GOLIM4: variants seen among roughly 807,000 people sequenced by gnomAD.
The protein encoded by GOLIM4 is golgi integral membrane protein 4, also known as 130 kDa golgi-localized phosphoprotein.
GOLIM4 carries 71 observed loss-of-function variants against 107.4 expected under a neutral mutation model. The ratio of observed to expected loss-of-function variants is 0.66; its 90% CI spans 0.55 to 0.81. The LOEUF is 0.81. Among genes scored for constraint, GOLIM4 ranks in the 30% least tolerant of loss-of-function variants. The pLI, the probability that GOLIM4 is intolerant of heterozygous loss-of-function variation, is 0.00. For synonymous variants in GOLIM4, 327 were observed against 294.8 expected (o/e 1.11, Z -1.12); for missense variants, 830 against 826.1 (o/e 1.00, Z -0.06).
chr3:168,035,083 T>C (rs1718573359), intron 8 of GOLIM4, among the ~76,000 whole-genome samples: 1 of 140,444 alleles, frequency 7.1e-6, no homozygotes, highest in African/African-American at 2.6e-5. Flanking sequence ...ATTAGAGAAA[T>C]GCAAATCAAA....
At chr3:168,087,108 C>T (rs1047156346) in intron 1 of GOLIM4, among the ~76,000 whole-genome samples, 1 of 152,162 alleles carries the variant, frequency 6.6e-6, no homozygotes, top group African/African-American at 2.4e-5. Context: ...TCTTACTACA[C>T]TCATGCAAAA....
chr3:168,031,178 C>T (rs1718316633), intron 9 of GOLIM4, among the ~76,000 whole-genome samples: 1 of 152,034 alleles, frequency 6.6e-6, no homozygotes, highest in South Asian at 2.1e-4. Flanking sequence ...TTGGTGGTTA[C>T]TAGAAGCTGG....
intron 1 of GOLIM4, among the ~76,000 whole-genome samples, chr3:168,061,524 T>C (rs1233635498): frequency 6.6e-6 from 1 of 152,206 alleles, no homozygotes; most frequent in Non-Finnish European, 1.5e-5. Context: ...AGAGTTTTAA[T>C]TGCAGCATTA....
chr3:168,025,301 G>C (rs1233166052), intron 12 of GOLIM4, among the ~76,000 whole-genome samples: 1 of 152,186 alleles, frequency 6.6e-6, no homozygotes, highest in Non-Finnish European at 1.5e-5. Context: ...TGATGAATCA[G>C]AATGAGGTTC....
At chr3:168,046,806 C>CAAAAA (rs10663226) in intron 3 of GOLIM4, 144 bp downstream of exon 3, 5 of 371,646 alleles carry the variant, frequency 1.3e-5, no homozygotes, top group Non-Finnish European at 1.9e-5. Context: ...TTTTGGCAGC[C>CAAAAA]AAAAAAAAAA....
intron 1 of GOLIM4, among the ~76,000 whole-genome samples, chr3:168,052,279 C>T (rs1401944252): frequency 6.6e-6 from 1 of 152,126 alleles, no homozygotes; most frequent in Non-Finnish European, 1.5e-5. Context: ...CAGGCGATCT[C>T]CCCTGAGCCC....
chr3:168,043,505 G>A lies in GOLIM4; in HGVS notation c.391C>T (p.Gln131Ter). ...TGTTCCTCTTCCAAGTCACTGTGCTGTTTCTTTAGCTCCTCGTGTTGGCTC... is the reference window on the plus strand; with the variant it reads ...TGTTCCTCTTCCAAGTCACTGTGCTATTTCTTTAGCTCCTCGTGTTGGCTC... ...LKSQHEELKK[Q>*]HSDLEEEHRK... is the part of the protein sequence containing the mutation. The change falls in exon 5 of 16, where the codon CAG becomes TAG. Residue 131 changes from glutamine to a stop codon, truncating the protein, a stop_gained. Coordinates refer to ENST00000470487, the MANE Select transcript of GOLIM4 (RefSeq NM_014498.5). LOFTEE classifies it high-confidence loss of function. 1 of 1,612,012 alleles carries A rather than the reference G, an allele frequency of 6.2e-7. No homozygotes were observed. The highest frequency in any genetic ancestry group is 8.5e-7 in the Non-Finnish European group (1 of 1,179,334).
At chr3:168,090,478 T>C (rs1445030823) in intron 1 of GOLIM4, among the ~76,000 whole-genome samples, 2 of 152,202 alleles carry the variant, frequency 1.3e-5, no homozygotes, top group African/African-American at 4.8e-5. Context: ...GATACCATCT[T>C]ACACTAGTCA....
intron 1 of GOLIM4, among the ~76,000 whole-genome samples, chr3:168,092,947 C>T (rs576709995): frequency 9.9e-5 from 15 of 152,154 alleles, no homozygotes; most frequent in Non-Finnish European, 2.1e-4. Context: ...GAGGAAATGA[C>T]AAAAGAATAA....
At chr3:168,013,513 T>C (rs1185732618) in intron 14 of GOLIM4, among the ~76,000 whole-genome samples, 1 of 141,430 alleles carries the variant, frequency 7.1e-6, no homozygotes. Flanking sequence ...TACCCAGGAA[T>C]TGAACTCAGC....
intron 14 of GOLIM4, among the ~76,000 whole-genome samples, chr3:168,020,140 A>C (rs756701250): frequency 2.6e-5 from 4 of 152,158 alleles, no homozygotes; most frequent in Non-Finnish European, 4.4e-5. Flanking sequence ...CAACCTTCCA[A>C]TTTTTAACTA....
At chr3:168,079,158 C>T (rs1721215655) in intron 1 of GOLIM4, among the ~76,000 whole-genome samples, 1 of 152,130 alleles carries the variant, frequency 6.6e-6, no homozygotes, top group African/African-American at 2.4e-5. Context: ...CTAGAGCATT[C>T]ATAGTGGCAG....
At chr3:168,055,274 T>C (rs1324073853) in intron 1 of GOLIM4, among the ~76,000 whole-genome samples, 1 of 152,192 alleles carries the variant, frequency 6.6e-6, no homozygotes, top group African/African-American at 2.4e-5. Flanking sequence ...ACTTGCTGAA[T>C]GGCTTTAAGC....
intron 7 of GOLIM4, among the ~76,000 whole-genome samples, 169 bp from the exon 8 acceptor site, chr3:168,037,163 A>C (rs926979036): frequency 6.8e-6 from 1 of 146,194 alleles, no homozygotes; most frequent in Non-Finnish European, 1.5e-5. Context: ...ATGCTTAATC[A>C]TTTTTGAGCG....
At chr3:168,079,102 T>C (rs1721213261) in intron 1 of GOLIM4, among the ~76,000 whole-genome samples, 1 of 152,156 alleles carries the variant, frequency 6.6e-6, no homozygotes, top group Non-Finnish European at 1.5e-5. Flanking sequence ...TAGTCATCAA[T>C]CATATCAAAA....
intron 4 of GOLIM4, 148 bp downstream of exon 4, chr3:168,044,680 T>G: frequency 1.7e-6 from 1 of 590,140 alleles, no homozygotes; most frequent in Non-Finnish European, 3.0e-6. Context: ...CTATATATAA[T>G]TTTTAGCCAA....
At chr3:168,072,807 A>G (rs1430335708) in intron 1 of GOLIM4, among the ~76,000 whole-genome samples, 1 of 152,142 alleles carries the variant, frequency 6.6e-6, no homozygotes, top group Admixed American at 6.6e-5. Context: ...AAATAATACT[A>G]TAAAAAACAA....
At chr3:168,023,451 A>G (rs9867390) in intron 14 of GOLIM4, among the ~76,000 whole-genome samples, 4,490 of 152,326 alleles carry the variant, frequency 0.029, 207 homozygotes, top group African/African-American at 0.1. Context: ...TATAAGCACA[A>G]ATTTTATCAT....
rs1577537262 is a variant in GOLIM4 at position 168,047,081 on chromosome 3, C to T, written c.263-82G>A. On this transcript the variant is annotated intron_variant, in intron 2 of 15. Coordinates refer to ENST00000470487, the MANE Select transcript of GOLIM4 (RefSeq NM_014498.5). ...TCTAAAGAAATAAAGGCAAACTTCACTCATGCTTACAAAAGTGTTTTAGGT... is the reference window on the plus strand; with the variant it reads ...TCTAAAGAAATAAAGGCAAACTTCATTCATGCTTACAAAAGTGTTTTAGGT... 7.6e-6 allele frequency: 5 copies of T among 660,052 alleles called. No homozygotes were observed. In the East Asian group the frequency reaches 1.5e-4, roughly 20 times the overall value. The allele number at this position is 660,052 out of a possible 1,614,324, so 40.9% of individuals were successfully genotyped here.
Sources: gnomAD v4.1 joint callset for allele counts (sites outside exome capture counted in the v4.1 genomes callset) on GRCh38, gnomAD v4.1.1 for gene constraint, MANE v1.5 for transcripts, NCBI Gene and HGNC (gene_info 2026-07-23, HGNC 2026-07-21) for gene names.